Variants in USP36 observed in about 807,000 individuals in gnomAD.
USP36 encodes ubiquitin specific peptidase 36.
USP36 carries 59 observed loss-of-function variants against 111.5 expected under a neutral mutation model. That is an observed-to-expected ratio of 0.53 (90% CI 0.43 to 0.66). The LOEUF (loss-of-function observed/expected upper bound fraction) is 0.66. USP36 is among the 30% of genes least tolerant of loss of function. The pLI, the probability that USP36 is intolerant of heterozygous loss-of-function variation, is 0.00. For synonymous variants in USP36, 628 were observed against 581.0 expected, an observed-to-expected ratio of 1.08 and a Z score of -1.16; for missense variants, 1,488 against 1,468.0, an observed-to-expected ratio of 1.01 and a Z score of -0.22.
intron 4 of USP36, among the ~76,000 whole-genome samples, chr17:78,833,987 C>T (rs1419193453): frequency 6.6e-6 from 1 of 152,168 alleles, no homozygotes; most frequent in African/African-American, 2.4e-5. Context: ...TGGTTCACAC[C>T]TGTAATCCCA....
At chr17:78,833,520 C>T (rs1321907214) in intron 4 of USP36, among the ~76,000 whole-genome samples, 2 of 152,088 alleles carry the variant, frequency 1.3e-5, no homozygotes, top group Non-Finnish European at 1.5e-5. Context: ...CAGAATTTAT[C>T]GGAGCCTCAC....
At chr17:78,801,150 G>C (rs1343834300) in intron 17 of USP36, among the ~76,000 whole-genome samples, 1 of 151,874 alleles carries the variant, frequency 6.6e-6, no homozygotes, top group Non-Finnish European at 1.5e-5. Context: ...CTAACTTTTT[G>C]TATTTTTAGT....
At chr17:78,837,405 T>A (rs570438015) in intron 2 of USP36, among the ~76,000 whole-genome samples, 19 of 152,202 alleles carry the variant, frequency 1.2e-4, no homozygotes, top group Admixed American at 1.2e-3. Flanking sequence ...GGAGGTTCTA[T>A]CATCCTTAGC....
intron 18 of USP36, 68 bp downstream of exon 18, chr17:78,799,599 C>A: frequency 4.8e-6 from 7 of 1,454,898 alleles, no homozygotes; most frequent in Middle Eastern, 1.7e-4. Context: ...AGGATCCATT[C>A]CACACCCTTC....
chr17:78,812,785 A>C (rs1382800125), intron 13 of USP36, 75 bp downstream of exon 13: 1 of 1,551,358 alleles, frequency 6.4e-7, no homozygotes, highest in African/African-American at 1.4e-5. Context: ...CACTGTGGCC[A>C]ACTTCCCAAG....
chr17:78,789,875 G>C (rs773543413), intron 3 of USP36, among the ~76,000 whole-genome samples: 1 of 152,218 alleles, frequency 6.6e-6, no homozygotes, highest in African/African-American at 2.4e-5. Context: ...GCAATGTGAA[G>C]GGGAATTAGT....
intron 10 of USP36, among the ~76,000 whole-genome samples, chr17:78,814,928 C>T (rs1010959214): frequency 1.3e-5 from 2 of 151,670 alleles, no homozygotes; most frequent in South Asian, 2.1e-4. Context: ...TCAGCCTGGG[C>T]GACAGAGCGA....
intron 3 of USP36, among the ~76,000 whole-genome samples, chr17:78,788,207 C>G (rs112659657): frequency 0.045 from 6,810 of 152,160 alleles, 189 homozygotes; most frequent in Non-Finnish European, 0.067. Flanking sequence ...ACTCTGTCGC[C>G]AGGCTGGAGC....
At chr17:78,789,639 T>C (rs368052548) in intron 3 of USP36, among the ~76,000 whole-genome samples, 1 of 152,330 alleles carries the variant, frequency 6.6e-6, no homozygotes, top group Non-Finnish European at 1.5e-5. Context: ...AGCTTGCAAT[T>C]TCTTCTGTGT....
chr17:78,813,139 A>G, intron 12 of USP36, 138 bp from the exon 13 acceptor site: 5 of 1,120,944 alleles, frequency 4.5e-6, no homozygotes, highest in Non-Finnish European at 6.3e-6. Flanking sequence ...CTTCTCTGGA[A>G]TCTCCCTTTG....
At chr17:78,831,758 A>G (rs1438910656) in intron 4 of USP36, among the ~76,000 whole-genome samples, 1 of 151,952 alleles carries the variant, frequency 6.6e-6, no homozygotes, top group African/African-American at 2.4e-5. Context: ...CCTGGGCAAC[A>G]CTGCCTAACC....
Position 78,803,206 on chromosome 17 carries a change from G to A in USP36, c.2810+179C>T, listed in dbSNP as rs900374648. Among the ~76,000 whole-genome samples the A allele has an allele frequency of 2.0e-5, 3 of 152,134 alleles. No individual in the cohort carries two copies. Among genetic ancestry groups the A allele is most frequent in the East Asian group, 3.9e-4 (2 of 5,180 alleles). On this transcript the variant is annotated intron_variant, in intron 16 of 20. Coordinates refer to ENST00000449938, the MANE Select transcript of USP36 (RefSeq NM_001385174.1). This position sits in a 1 kb window ranked among gnomAD's most constrained non-coding sequence, Gnocchi z 4.6. The stretch of plus-strand genomic sequence containing the variant: ...CCCGCCTCAGCCTCCCAAAGTGCTA[G>A]GATTACAGGTGTGAGCCACCACACC...
intron 13 of USP36, among the ~76,000 whole-genome samples, chr17:78,809,830 GTCTT>G (rs1043294529): frequency 3.9e-5 from 6 of 151,932 alleles, no homozygotes; most frequent in African/African-American, 9.7e-5. Flanking sequence ...GGAGATGGGG[GTCTT>G]TCTATGTTGC....
At chr17:78,830,524 G>A (rs2067989038) in intron 4 of USP36, among the ~76,000 whole-genome samples, 1 of 152,178 alleles carries the variant, frequency 6.6e-6, no homozygotes, top group Non-Finnish European at 1.5e-5. Flanking sequence ...ACGCTCAGAA[G>A]ACAAATTTCT....
At chr17:78,829,509 G>C (rs2067883006) in intron 4 of USP36, among the ~76,000 whole-genome samples, 1 of 152,138 alleles carries the variant, frequency 6.6e-6, no homozygotes, top group Non-Finnish European at 1.5e-5. Context: ...GATACATCTG[G>C]GGTTGAAAAT....
Position 78,835,510 on chromosome 17 carries a change from G to A in USP36, c.254-9C>T. 1 of 1,585,116 alleles carries A rather than the reference G, an allele frequency of 6.3e-7. No individual in the cohort carries two copies. The highest frequency in any genetic ancestry group is 2.3e-5 in the East Asian group (1 of 43,448). ...ATACGTGTGCTCACTGCCTGAGGAA[G>A]AAAGGGACAAGGGAAGAAAAGAGGA... is the stretch of plus-strand genomic sequence containing the variant. On this transcript the variant is annotated splice_polypyrimidine_tract_variant and intron_variant, in intron 3 of 20. Transcript: ENST00000449938.
chr17:78,793,831 G>A (rs892137032), downstream of USP36, among the ~76,000 whole-genome samples: 11 of 152,066 alleles, frequency 7.2e-5, no homozygotes, highest in African/African-American at 2.4e-4. Flanking sequence ...CAGACACCTG[G>A]GCTTTTTCCT....
In USP36 at chr17:78,807,515, G is replaced by A. The variant is rs1159708121; in HGVS notation, c.1529C>T (p.Pro510Leu). 1 of 1,613,952 alleles carries A rather than the reference G, an allele frequency of 6.2e-7. No homozygotes were observed. The highest frequency in any genetic ancestry group is 1.7e-5 in the Admixed American group (1 of 59,980). ...SQNGCIPPKL[P>L]SGSPSPKLSQ... ...GAGTTTGGGGGAAGGGGACCCCGAG[G>A]GCAGCTTTGGAGGAATGCAGCCGTT... The change falls in exon 14 of 21, where the codon CCC becomes CTC. Residue 510 changes from proline (P) to leucine (L), a missense_variant. Physicochemically the swap from Pro to Leu is moderately conservative, Grantham distance 98 (BLOSUM62 -3). This residue lies in a region of USP36 where 1,073 missense variants were observed against 994.1 expected (regional missense o/e 1.08). Coordinates refer to ENST00000449938, the MANE Select transcript of USP36 (RefSeq NM_001385174.1).
At chr17:78,806,937 G>T (rs554608025) in intron 14 of USP36, 22 bp downstream of exon 14, 1 of 1,610,686 alleles carries the variant, frequency 6.2e-7, no homozygotes, top group African/African-American at 1.3e-5. Context: ...ACACAGCAGC[G>T]GCGAGACCCC....
Sources: allele counts gnomAD v4.1 joint callset (sites outside exome capture counted in the v4.1 genomes callset), GRCh38; gene constraint gnomAD v4.1.1; regional missense constraint gnomAD v4.1.1; non-coding constraint Gnocchi (gnomAD v3.1); transcripts MANE v1.5; gene names NCBI Gene and HGNC (gene_info 2026-07-23, HGNC 2026-07-21).